Variants in CYFIP2 observed in about 807,000 individuals in gnomAD.
CYFIP2 encodes cytoplasmic FMR1 interacting protein 2, also known as cytoplasmic FMR1-interacting protein 2.
CYFIP2 carries 29 observed loss-of-function variants against 158.7 expected under a neutral mutation model. The ratio of observed to expected loss-of-function variants is 0.18; its 90% confidence interval spans 0.14 to 0.25. The LOEUF is 0.25. CYFIP2 is among the 10% of genes least tolerant of loss of function. The pLI is 1.00. For synonymous variants in CYFIP2, 585 were observed against 617.6 expected, an observed-to-expected ratio of 0.95 and a Z score of 0.78; for missense variants, 852 against 1,639.5, an observed-to-expected ratio of 0.52 and a Z score of 8.29.
At chr5:157,294,986 C>T (rs1758136695) in intron 4 of CYFIP2, 126 bp downstream of exon 4, 2 of 629,614 alleles carry the variant, frequency 3.2e-6, no homozygotes, top group African/African-American at 1.8e-5. Context: ...GTCCTCTTAT[C>T]CAAGGAAGAA....
At chr5:157,313,666 T>A (rs1759916544) in intron 11 of CYFIP2, among the ~76,000 whole-genome samples, 1 of 152,204 alleles carries the variant, frequency 6.6e-6, no homozygotes, top group Non-Finnish European at 1.5e-5. Flanking sequence ...GTAAGGGAAT[T>A]CACAAATACA....
intron 6 of CYFIP2, 32 bp from the exon 7 acceptor site, chr5:157,302,762 C>A: frequency 1.9e-6 from 3 of 1,539,756 alleles, no homozygotes; most frequent in Non-Finnish European, 1.8e-6. Context: ...CTTGGACAGT[C>A]CTCTCTGCAG....
chr5:157,302,296 C>T (rs150185889), intron 6 of CYFIP2, among the ~76,000 whole-genome samples: 114 of 152,290 alleles, frequency 7.5e-4, no homozygotes, highest in Middle Eastern at 3.4e-3. Context: ...CCATCACCTG[C>T]GATTCTGTGA....
At chr5:157,369,883 T>TGTTTTTTG (rs748472608) in intron 26 of CYFIP2, among the ~76,000 whole-genome samples, 140 of 137,548 alleles carry the variant, frequency 1.0e-3, no homozygotes, top group African/African-American at 3.4e-3. Context: ...GACCTAGTTT[T>TGTTTTTTG]TTTTTTTTTT....
chr5:157,390,842 C>A (rs985660281), intron 30 of CYFIP2, among the ~76,000 whole-genome samples, 174 bp downstream of exon 30: 1 of 152,090 alleles, frequency 6.6e-6, no homozygotes, highest in South Asian at 2.1e-4. Context: ...CGTGAGTCAC[C>A]CACTCATCAC....
intron 26 of CYFIP2, among the ~76,000 whole-genome samples, chr5:157,381,289 A>G (rs1435378092): frequency 6.6e-6 from 1 of 151,986 alleles, no homozygotes; most frequent in Non-Finnish European, 1.5e-5. Flanking sequence ...GTACATATGT[A>G]TCACTGAACA....
At chr5:157,295,793 T>C (rs1280441508) in intron 4 of CYFIP2, among the ~76,000 whole-genome samples, 1 of 152,240 alleles carries the variant, frequency 6.6e-6, no homozygotes, top group African/African-American at 2.4e-5. Context: ...AGCAATAGTA[T>C]GAAGAATGTC....
chr5:157,368,229 T>TA (rs1421097571), intron 26 of CYFIP2, among the ~76,000 whole-genome samples: 1 of 152,252 alleles, frequency 6.6e-6, no homozygotes. Flanking sequence ...TCTCACTTTT[T>TA]AGACTTTAAA....
intron 23 of CYFIP2, among the ~76,000 whole-genome samples, chr5:157,352,967 G>A (rs985918507): frequency 3.9e-5 from 6 of 152,180 alleles, no homozygotes; most frequent in Admixed American, 1.3e-4. Flanking sequence ...CGGGATTGCC[G>A]CCAGCCTCCA....
Position 157,382,606 on chromosome 5 carries a change from G to A in CYFIP2, c.3056G>A (p.Cys1019Tyr). ...IEQALSQEEV[C>Y]DLLHAAPFQN... ...TCTCTGCAGTCTCAGGAGGAGGTCT[G>A]CGATTTGCTCCATGCCGCACCCTTC... Residue 1019 changes from cysteine (C) to tyrosine (Y), a missense_variant, in exon 27 of 31, where the codon TGC (cysteine) becomes TAC (tyrosine). By Grantham distance (194) the Cys-to-Tyr change is radical. Around this residue, in one of 8 missense-constraint regions of CYFIP2, gnomAD observed 223 missense variants for 381.6 expected, o/e 0.58. Transcript: ENST00000620254. 6.2e-7 allele frequency: 1 copy of A among 1,614,006 alleles called. No individual in the cohort carries two copies.
At chr5:157,351,279 A>G (rs903730427) in intron 23 of CYFIP2, among the ~76,000 whole-genome samples, 1 of 152,184 alleles carries the variant, frequency 6.6e-6, no homozygotes, top group Non-Finnish European at 1.5e-5. Flanking sequence ...AGTGGTTCAG[A>G]GCCATTTCCT....
chr5:157,291,462 C>G (rs1757809954), intron 3 of CYFIP2, among the ~76,000 whole-genome samples: 1 of 152,256 alleles, frequency 6.6e-6, no homozygotes, highest in Admixed American at 6.5e-5. Context: ...TTCTTGTTCA[C>G]TGCGCTGTTT....
At chr5:157,272,232 G>A (rs1756163013) in intron 1 of CYFIP2, among the ~76,000 whole-genome samples, 2 of 152,214 alleles carry the variant, frequency 1.3e-5, no homozygotes, top group East Asian at 1.9e-4. Flanking sequence ...TTGATTTCTC[G>A]GCTCTGACTG....
chr5:157,357,355 G>A (rs1482178674), intron 23 of CYFIP2, among the ~76,000 whole-genome samples: 1 of 152,230 alleles, frequency 6.6e-6, no homozygotes, highest in Non-Finnish European at 1.5e-5. Context: ...TCCAAAGGGA[G>A]TTGAAAATCT....
At chr5:157,374,565 C>T (rs1424596054) in intron 26 of CYFIP2, among the ~76,000 whole-genome samples, 3 of 152,138 alleles carry the variant, frequency 2.0e-5, no homozygotes, top group Admixed American at 6.6e-5. Flanking sequence ...GGAAACTGCC[C>T]GTTGTTCCAG....
chr5:157,310,721 C>T (rs1334533584), intron 10 of CYFIP2, among the ~76,000 whole-genome samples: 4 of 152,190 alleles, frequency 2.6e-5, no homozygotes, highest in African/African-American at 7.2e-5. Context: ...TGTGAGGGGC[C>T]GTGTGCTCCC....
chr5:157,360,084 T>C (rs1473506047), intron 24 of CYFIP2, among the ~76,000 whole-genome samples, 198 bp from the exon 25 acceptor site: 4 of 152,262 alleles, frequency 2.6e-5, no homozygotes, highest in Non-Finnish European at 1.5e-5. Flanking sequence ...GTGCCCTCCT[T>C]GAAGTCTGTA....
At chr5:157,379,973 A>G (rs1765894684) in intron 26 of CYFIP2, 3 of 152,182 alleles carry the variant, frequency 2.0e-5, no homozygotes, top group African/African-American at 7.2e-5. Context: ...TTTAAAGATA[A>G]TTTGACAGGT....
intron 1 of CYFIP2, among the ~76,000 whole-genome samples, chr5:157,283,329 T>C (rs1358196797): frequency 1.3e-5 from 2 of 152,198 alleles, no homozygotes; most frequent in African/African-American, 4.8e-5. Flanking sequence ...TTGGAATTAA[T>C]GAAGAGAATT....
Sources: gnomAD v4.1 joint callset for allele counts (sites outside exome capture counted in the v4.1 genomes callset) on GRCh38, gnomAD v4.1.1 for gene constraint, gnomAD v4.1.1 regional missense constraint, MANE v1.5 for transcripts, NCBI Gene and HGNC (gene_info 2026-07-23, HGNC 2026-07-21) for gene names.